Variants in RAB40C observed in about 807,000 individuals in gnomAD.
RAB40C encodes RAB40C, member RAS oncogene family, also known as ras-related protein Rab-40C.
In RAB40C, 8 loss-of-function variants were observed where a neutral mutation model predicts 28.1. That is an observed-to-expected ratio of 0.28 (90% CI 0.17 to 0.51). RAB40C has a LOEUF of 0.51. Ranked by LOEUF, RAB40C falls within the 20% of genes least tolerant of loss-of-function variation. The pLI is 0.97. For missense variants in RAB40C, 288 were observed against 405.9 expected (o/e 0.71, Z 2.50); for synonymous variants, 201 against 171.7 (o/e 1.17, Z -1.34).
intron 1 of RAB40C, among the ~76,000 whole-genome samples, chr16:608,834 C>G (rs968477685): frequency 2.6e-5 from 4 of 152,114 alleles, no homozygotes; most frequent in African/African-American, 9.7e-5. Flanking sequence ...GATTGTGCTA[C>G]AATTGTGTGG....
At chr16:617,405 C>A in intron 2 of RAB40C, 137 bp downstream of exon 2, 1 of 1,040,904 alleles carries the variant, frequency 9.6e-7, no homozygotes, top group Non-Finnish European at 1.5e-6. Flanking sequence ...CCTGTTTAAA[C>A]ATAGAATGGA....
chr16:591,577 GTTTTC>G (rs778849580), intron 1 of RAB40C, among the ~76,000 whole-genome samples: 45 of 151,736 alleles, frequency 3.0e-4, no homozygotes, highest in Admixed American at 9.8e-4. Flanking sequence ...GTTTTGTTTT[GTTTTC>G]TTTTCTTTTC....
intron 1 of RAB40C, among the ~76,000 whole-genome samples, chr16:591,926 G>A (rs2151056658): frequency 6.6e-6 from 1 of 152,292 alleles, no homozygotes; most frequent in South Asian, 2.1e-4. Context: ...CAGTGGCATG[G>A]CTAAAATACA....
chr16:602,855 C>T (rs1234195874), intron 1 of RAB40C, among the ~76,000 whole-genome samples: 2 of 152,198 alleles, frequency 1.3e-5, no homozygotes, highest in Non-Finnish European at 2.9e-5. Context: ...CAGGTGTTAG[C>T]CACCAAGCAC....
intron 1 of RAB40C, among the ~76,000 whole-genome samples, chr16:615,606 G>T (rs544721437): frequency 3.3e-5 from 5 of 152,310 alleles, no homozygotes; most frequent in Admixed American, 2.6e-4. Flanking sequence ...AGAACTGTCT[G>T]CTCCTTTCAG....
chr16:623,952 C>G, intron 3 of RAB40C: 1 of 985,370 alleles, frequency 1.0e-6, no homozygotes, highest in Non-Finnish European at 1.2e-6. Flanking sequence ...AAAGAAAATG[C>G]CATCCGCAGT....
chr16:602,455 A>G (rs569928081), intron 1 of RAB40C, among the ~76,000 whole-genome samples: 33 of 151,764 alleles, frequency 2.2e-4, no homozygotes, highest in South Asian at 4.2e-4. Flanking sequence ...TTTTTGAGAC[A>G]AAGTCTTGCT....
chr16:593,046 G>A (rs1200707184), intron 1 of RAB40C, among the ~76,000 whole-genome samples: 1 of 152,238 alleles, frequency 6.6e-6, no homozygotes, highest in Non-Finnish European at 1.5e-5. Context: ...AGGGCCCGGG[G>A]CACACTTCCA....
intron 1 of RAB40C, among the ~76,000 whole-genome samples, chr16:616,074 G>A (rs892684284): frequency 1.3e-5 from 2 of 151,944 alleles, no homozygotes; most frequent in Admixed American, 6.6e-5. Context: ...TGGCTAACAC[G>A]GTGAAACCCC....
At chr16:625,827 G>A (rs1422198500) in intron 4 of RAB40C, 72 bp from the exon 5 acceptor site, 17 of 1,386,134 alleles carry the variant, frequency 1.2e-5, no homozygotes, top group Non-Finnish European at 1.6e-5. Context: ...AGACAATGAG[G>A]GCGGGCCCTG....
At chr16:602,466 CT>C (rs1242841818) in intron 1 of RAB40C, among the ~76,000 whole-genome samples, 32 of 151,810 alleles carry the variant, frequency 2.1e-4, no homozygotes, top group South Asian at 4.2e-4. Context: ...AAGTCTTGCT[CT>C]TGTCCACCAG....
At chr16:625,614 C>G (rs954306578) in intron 4 of RAB40C, 105 bp downstream of exon 4, 1 of 1,193,852 alleles carries the variant, frequency 8.4e-7, no homozygotes. Flanking sequence ...CCTGTGGCCC[C>G]GGCTCTGCAC....
At chr16:599,209 G>T (rs1407227474) in intron 1 of RAB40C, among the ~76,000 whole-genome samples, 1 of 152,264 alleles carries the variant, frequency 6.6e-6, no homozygotes, top group Non-Finnish European at 1.5e-5. Flanking sequence ...CCCGGCCCCG[G>T]CCGAAGCTGC....
intron 1 of RAB40C, among the ~76,000 whole-genome samples, chr16:600,338 G>A (rs1404513779): frequency 6.6e-6 from 1 of 152,244 alleles, no homozygotes; most frequent in East Asian, 1.9e-4. Context: ...ATTAAAAATT[G>A]AGTATATGCA....
At chr16:616,102 AAAAAATTATCCGGGCAT>A (rs1400169966) in intron 1 of RAB40C, among the ~76,000 whole-genome samples, 1 of 151,972 alleles carries the variant, frequency 6.6e-6, no homozygotes, top group African/African-American at 2.4e-5. Flanking sequence ...CTAAAAATAC[AAAAAATTATCCGGGCAT>A]GGTGGCGGGC....
At chr16:609,602 A>G (rs1166318661) in intron 1 of RAB40C, among the ~76,000 whole-genome samples, 1 of 152,200 alleles carries the variant, frequency 6.6e-6, no homozygotes, top group Non-Finnish European at 1.5e-5. Flanking sequence ...AGGGAAGGAC[A>G]TCTTACCATT....
chr16:626,999 C>T (rs1488575778), intron 5 of RAB40C, among the ~76,000 whole-genome samples: 1 of 152,134 alleles, frequency 6.6e-6, no homozygotes, highest in African/African-American at 2.4e-5. Flanking sequence ...CGCTCCCCCG[C>T]TCTAGGGGAT....
At position 610,677 on chromosome 16, in the gene RAB40C, C is replaced by T. The variant is rs2036464270; in HGVS notation, c.143-6531C>T. Among the ~76,000 whole-genome samples the T allele has an allele frequency of 6.6e-6, 1 of 152,140 alleles. No individual in the cohort carries two copies. Among genetic ancestry groups the T allele is most frequent in the African/African-American group, 2.4e-5 (1 of 41,422 alleles). ...CCCCTGCCCCTGCGCCGTCCCCCAG[C>T]GCGGGCTCCAGGCCTCTCCTGGGTC... is the stretch of plus-strand genomic sequence containing the variant. On this transcript the variant is annotated intron_variant, in intron 1 of 5. Coordinates refer to ENST00000248139, the MANE Select transcript of RAB40C (RefSeq NM_021168.5). This position sits in a 1 kb window ranked among gnomAD's most constrained non-coding sequence, Gnocchi z 4.6.
At chr16:619,229 G>T (rs1320729933) in intron 3 of RAB40C, among the ~76,000 whole-genome samples, 17 of 149,632 alleles carry the variant, frequency 1.1e-4, no homozygotes, top group Admixed American at 1.1e-3. Flanking sequence ...ATGTGCACAG[G>T]TCTGGCGGGG....
Sources: allele counts gnomAD v4.1 joint callset (sites outside exome capture counted in the v4.1 genomes callset), GRCh38; gene constraint gnomAD v4.1.1; non-coding constraint Gnocchi (gnomAD v3.1); transcripts MANE v1.5; gene names NCBI Gene and HGNC (gene_info 2026-07-23, HGNC 2026-07-21).